The following KLHL28 variants were observed in gnomAD, a reference collection of about 807,000 sequenced individuals.
The protein encoded by KLHL28 is kelch-like protein 28.
Under a neutral mutation model 48.3 loss-of-function variants are expected in KLHL28, and 22 were observed. The ratio of observed to expected loss-of-function variants is 0.46; its 90% CI spans 0.33 to 0.65. The LOEUF (loss-of-function observed/expected upper bound fraction) is 0.65. Ranked by LOEUF, KLHL28 falls within the 30% of genes least tolerant of loss-of-function variation. The pLI, the probability that KLHL28 is intolerant of heterozygous loss-of-function variation, is 0.03. For missense variants in KLHL28, 527 were observed against 704.3 expected (o/e 0.75, Z 2.85); for synonymous variants, 243 against 242.4 (o/e 1.00, Z -0.02).
chr14:44,929,474 C>T (rs1883494211), intron 4 of KLHL28, among the ~76,000 whole-genome samples: 1 of 152,110 alleles, frequency 6.6e-6, no homozygotes, highest in Non-Finnish European at 1.5e-5. Flanking sequence ...TATATTGTTA[C>T]AATTGTTCTA....
intron 2 of KLHL28, among the ~76,000 whole-genome samples, chr14:44,939,627 T>A (rs903515054): frequency 6.6e-6 from 1 of 152,216 alleles, no homozygotes; most frequent in Non-Finnish European, 1.5e-5. Context: ...GGGTCTTTGC[T>A]AATATATAGC....
intron 1 of KLHL28, among the ~76,000 whole-genome samples, chr14:44,947,688 T>G (rs553330147): frequency 6.6e-6 from 1 of 152,216 alleles, no homozygotes; most frequent in African/African-American, 2.4e-5. Flanking sequence ...CTTATACATT[T>G]TTAAGTGGAA....
intron 1 of KLHL28, among the ~76,000 whole-genome samples, chr14:44,948,074 T>C (rs752124595): frequency 6.6e-6 from 1 of 152,110 alleles, no homozygotes; most frequent in African/African-American, 2.4e-5. Flanking sequence ...CTCAGTTTTA[T>C]GAAAAAGTTA....
intron 2 of KLHL28, among the ~76,000 whole-genome samples, chr14:44,939,247 T>C (rs565151200): frequency 6.6e-6 from 1 of 152,222 alleles, no homozygotes; most frequent in African/African-American, 2.4e-5. Flanking sequence ...CCCCAAACCA[T>C]TCTGCCCTCC....
rs774547159 is a variant in KLHL28 at position 44,945,041 on chromosome 14, G to A, written c.888C>T (p.Ala296=). 3 of 1,599,776 alleles carry A rather than the reference G, an allele frequency of 1.9e-6. No homozygotes were observed. Among genetic ancestry groups the A allele is most frequent in the Non-Finnish European group, 2.6e-6 (3 of 1,168,704 alleles). ...CAVGGKSGLF[A]CLDSVEMYFP... ...AGCCTTCTATTTACCTATCCAAACA[G>A]GCAAAGAGTCCAGATTTCCCTCCTA... Residue 296 remains alanine, a synonymous_variant, in exon 2 of 5, where the codon GCC becomes GCT. Transcript: ENST00000396128.
intron 1 of KLHL28, among the ~76,000 whole-genome samples, chr14:44,946,551 C>CTTTTTT (rs397853423): frequency 8.2e-6 from 1 of 122,538 alleles, no homozygotes; most frequent in Non-Finnish European, 1.7e-5. Context: ...CCACTCAACT[C>CTTTTTT]TTTTTTTTTT....
At chr14:44,942,542 T>C in intron 2 of KLHL28, among the ~76,000 whole-genome samples, 1 of 152,180 alleles carries the variant, frequency 6.6e-6, no homozygotes, top group East Asian at 1.9e-4. Context: ...GTCTTTTTTT[T>C]TTTTTAAATC....
At chr14:44,948,417 T>C (rs1158891117) in intron 1 of KLHL28, among the ~76,000 whole-genome samples, 2 of 152,146 alleles carry the variant, frequency 1.3e-5, no homozygotes, top group African/African-American at 2.4e-5. Context: ...TAATGAGTTT[T>C]AGTCCCATCT....
intron 1 of KLHL28, among the ~76,000 whole-genome samples, chr14:44,950,968 A>T (rs1884554523): frequency 6.6e-6 from 1 of 152,218 alleles, no homozygotes; most frequent in Non-Finnish European, 1.5e-5. Context: ...GAGACATATG[A>T]GCCATTTTAA....
At chr14:44,952,565 C>T (rs1004182788) in intron 1 of KLHL28, among the ~76,000 whole-genome samples, 2 of 152,016 alleles carry the variant, frequency 1.3e-5, no homozygotes, top group Non-Finnish European at 2.9e-5. Flanking sequence ...CTATGTTGCC[C>T]AGGCTGGAGT....
chr14:44,953,050 A>G (rs1405943139), intron 1 of KLHL28, among the ~76,000 whole-genome samples: 1 of 152,232 alleles, frequency 6.6e-6, no homozygotes, highest in Non-Finnish European at 1.5e-5. Context: ...AAGCTTAAAC[A>G]TTCTCATTTG....
intron 4 of KLHL28, 62 bp from the exon 5 acceptor site, chr14:44,929,253 C>A: frequency 7.4e-7 from 1 of 1,353,732 alleles, no homozygotes; most frequent in South Asian, 1.5e-5. Flanking sequence ...CTTTTTCTCA[C>A]TAAAAATAAA....
rs144653789 is a variant in KLHL28, at chr14:44,945,842, G to A, written c.87C>T (p.Arg29=). ...EQLLQGLNLL[R]QHHELCDIIL... ...TGATGTCACAGAGTTCGTGATGTTG[G>A]CGAAGAAGATTCAAGCCCTGCAGAA... The change falls in exon 2 of 5, where the codon CGC becomes CGT. Residue 29 remains arginine, a synonymous_variant. Coordinates refer to ENST00000396128, the MANE Select transcript of KLHL28 (RefSeq NM_017658.5). The A allele has an allele frequency of 2.0e-4, 317 of 1,614,124 alleles. No homozygotes were observed. In the African/African-American group the frequency reaches 4.0e-3, roughly 20 times the overall value.
chr14:44,953,899 G>A (rs879223221), intron 1 of KLHL28, among the ~76,000 whole-genome samples: 8 of 151,990 alleles, frequency 5.3e-5, no homozygotes, highest in East Asian at 1.9e-4. Context: ...TAAAGAAATC[G>A]TAAGTAAAAA....
At chr14:44,950,220 T>G (rs959300955) in intron 1 of KLHL28, among the ~76,000 whole-genome samples, 3 of 152,178 alleles carry the variant, frequency 2.0e-5, no homozygotes, top group South Asian at 4.1e-4. Context: ...TAAATATGAG[T>G]TATTACTAGT....
At chr14:44,958,376 G>C (rs1884885442) in intron 1 of KLHL28, among the ~76,000 whole-genome samples, 5 of 151,326 alleles carry the variant, frequency 3.3e-5, no homozygotes, top group Middle Eastern at 6.8e-3. Context: ...ATGGTGAACA[G>C]AAATCAAGAT....
At chr14:44,936,607 A>G (rs1233257415) in intron 2 of KLHL28, among the ~76,000 whole-genome samples, 2 of 152,206 alleles carry the variant, frequency 1.3e-5, no homozygotes, top group Non-Finnish European at 2.9e-5. Context: ...GATTAAGGAA[A>G]TGTAGAGTAG....
At chr14:44,931,993 T>C (rs1453408441) in intron 3 of KLHL28, among the ~76,000 whole-genome samples, 1 of 151,832 alleles carries the variant, frequency 6.6e-6, no homozygotes, top group Non-Finnish European at 1.5e-5. Flanking sequence ...AACCACTAAC[T>C]GAATACAGAC....
At chr14:44,952,533 G>GT (rs1325727280) in intron 1 of KLHL28, among the ~76,000 whole-genome samples, 1 of 152,098 alleles carries the variant, frequency 6.6e-6, no homozygotes, top group Non-Finnish European at 1.5e-5. Context: ...TAAAATGAAA[G>GT]TTTTTTAGAG....
Sources: allele counts gnomAD v4.1 joint callset (sites outside exome capture counted in the v4.1 genomes callset), GRCh38; gene constraint gnomAD v4.1.1; transcripts MANE v1.5; gene names NCBI Gene and HGNC (gene_info 2026-07-23, HGNC 2026-07-21).